Variants in ESRRG observed in about 807,000 individuals in gnomAD.
ESRRG encodes the protein estrogen-related receptor gamma.
A neutral mutation model predicts 44.0 loss-of-function variants in ESRRG; 13 were observed. The ratio of observed to expected loss-of-function variants is 0.30; its 90% CI spans 0.19 to 0.47. ESRRG has a LOEUF of 0.47. Among genes scored for constraint, ESRRG ranks in the 20% least tolerant of loss-of-function variants. ESRRG has a pLI of 1.00. For missense variants in ESRRG, 395 were observed against 580.6 expected (o/e 0.68, Z 3.29); for synonymous variants, 215 against 214.6 (o/e 1.00, Z -0.02).
intron 5 of ESRRG, among the ~76,000 whole-genome samples, chr1:216,535,825 G>T (rs1432362374): frequency 1.3e-5 from 2 of 151,948 alleles, no homozygotes; most frequent in African/African-American, 4.8e-5. Flanking sequence ...CTGTTTATCT[G>T]TCTTTTTCCC....
chr1:217,047,853 G>A (rs1448396959), intron 1 of ESRRG, among the ~76,000 whole-genome samples: 2 of 152,188 alleles, frequency 1.3e-5, no homozygotes, highest in African/African-American at 2.4e-5. Flanking sequence ...ATACCAGATT[G>A]TGTGTTTGAC....
At chr1:216,690,260 T>G (rs540455104) in intron 1 of ESRRG, among the ~76,000 whole-genome samples, 157 of 151,914 alleles carry the variant, frequency 1.0e-3, no homozygotes, top group South Asian at 2.5e-3. Flanking sequence ...TACCTGTGTG[T>G]GGTGTGTGTG....
intron 1 of ESRRG, among the ~76,000 whole-genome samples, chr1:216,969,237 A>G (rs1046270858): frequency 6.6e-6 from 1 of 152,206 alleles, no homozygotes; most frequent in African/African-American, 2.4e-5. Context: ...CCTTCCAGTG[A>G]GGAGAATAAA....
intron 5 of ESRRG, among the ~76,000 whole-genome samples, chr1:216,555,869 G>A (rs79010817): frequency 0.013 from 2,034 of 152,148 alleles, 22 homozygotes; most frequent in Non-Finnish European, 0.023. Context: ...GGATAGACAC[G>A]CATTCATTTG....
In ESRRG at chr1:216,519,142, G is replaced by A. The variant is rs1402140264; in HGVS notation, c.1132+10C>T. On this transcript the variant is annotated intron_variant, in intron 6 of 6. Transcript: ENST00000408911. ...AAAAAATGTAACAATGACTATGTCA[G>A]TATGCCAACCTGAATTAGCAAGAGC... 2.5e-6 allele frequency: 4 copies of A among 1,611,104 alleles called. No individual in the cohort carries two copies. Among genetic ancestry groups the A allele is most frequent in the African/African-American group, 2.7e-5 (2 of 74,860 alleles).
intron 3 of ESRRG, among the ~76,000 whole-genome samples, chr1:216,587,405 C>T (rs1177234114): frequency 6.6e-6 from 1 of 152,014 alleles, no homozygotes; most frequent in Non-Finnish European, 1.5e-5. Flanking sequence ...GATCTGAAAC[C>T]GGGTTTCATG....
chr1:216,723,659 G>A (rs2086882280), upstream of ESRRG, among the ~76,000 whole-genome samples: 1 of 152,110 alleles, frequency 6.6e-6, no homozygotes, highest in Admixed American at 6.5e-5. Context: ...GAAAAAGGGA[G>A]CGGAGAAGGG....
chr1:216,562,760 G>A (rs2059011830), intron 5 of ESRRG, among the ~76,000 whole-genome samples: 1 of 151,944 alleles, frequency 6.6e-6, no homozygotes, highest in Non-Finnish European at 1.5e-5. Flanking sequence ...TAATATAAAT[G>A]ATATATATCA....
At chr1:217,089,195 C>T (rs888793794) in intron 1 of ESRRG, among the ~76,000 whole-genome samples, 1 of 152,014 alleles carries the variant, frequency 6.6e-6, no homozygotes, top group Non-Finnish European at 1.5e-5. Flanking sequence ...GCACTGAAGT[C>T]TCTATCCAGG....
chr1:216,951,717 A>ATGTGTGTGTGTG lies in ESRRG; in HGVS notation c.-105-12056_-105-12045dup, dbSNP rs59233267. Among the ~76,000 whole-genome samples the ATGTGTGTGTGTG allele has an allele frequency of 5.6e-5, 8 of 143,720 alleles. No homozygotes were observed. The East Asian group carries it at 6.2e-4, about 11-fold the overall frequency. 94.3% of individuals were successfully genotyped at this position (143,720 alleles called of 152,430 possible). A position where few individuals can be genotyped will look rare whatever the true frequency, so the allele number is the denominator to read the frequency against. On this transcript the variant is annotated intron_variant, in intron 1 of 7. Transcript: ENST00000359162. ...TAATGGGTATAATGGAACTATCACT[A>ATGTGTGTGTGTG]TGTGTGTGTGTGTGTGTGTGTGTGT... is the stretch of plus-strand genomic sequence containing the variant.
At chr1:216,967,054 T>C (rs953032125) in intron 1 of ESRRG, among the ~76,000 whole-genome samples, 3 of 152,114 alleles carry the variant, frequency 2.0e-5, no homozygotes, top group Non-Finnish European at 4.4e-5. Flanking sequence ...TCTTCTACTC[T>C]TTTTAAGAAA....
chr1:216,519,446 A>G (rs778822855), intron 5 of ESRRG, 25 bp from the exon 6 acceptor site: 64 of 1,584,114 alleles, frequency 4.0e-5, no homozygotes, highest in Non-Finnish European at 5.2e-5. Flanking sequence ...GGGCAGATCA[A>G]GTTACTTTAA....
intron 2 of ESRRG, among the ~76,000 whole-genome samples, chr1:216,832,263 T>A (rs915117827): frequency 1.3e-5 from 2 of 152,192 alleles, no homozygotes; most frequent in Non-Finnish European, 2.9e-5. Context: ...AAGTAAAACA[T>A]TAGATGGACA....
intron 2 of ESRRG, among the ~76,000 whole-genome samples, chr1:216,761,370 G>A (rs2092763756): frequency 6.6e-6 from 1 of 151,964 alleles, no homozygotes; most frequent in Non-Finnish European, 1.5e-5. Context: ...TTTGAAAAGT[G>A]GCAAATTTCA....
At chr1:216,981,409 G>T (rs1242456281) in intron 1 of ESRRG, among the ~76,000 whole-genome samples, 1 of 152,024 alleles carries the variant, frequency 6.6e-6, no homozygotes, top group East Asian at 1.9e-4. Context: ...CCTTGGATAG[G>T]CTACTTACGG....
At chr1:216,985,957 A>C (rs1486791872) in intron 1 of ESRRG, 3 of 152,236 alleles carry the variant, frequency 2.0e-5, no homozygotes, top group African/African-American at 7.2e-5. Context: ...CAACTTCTAA[A>C]ACCATGATAT....
At chr1:216,988,900 C>G (rs540001329) in intron 1 of ESRRG, among the ~76,000 whole-genome samples, 1 of 152,218 alleles carries the variant, frequency 6.6e-6, no homozygotes, top group Non-Finnish European at 1.5e-5. Context: ...AATGAAAGGG[C>G]CTCATGTTTT....
chr1:216,975,965 G>A (rs1475847441), intron 1 of ESRRG, among the ~76,000 whole-genome samples: 1 of 152,058 alleles, frequency 6.6e-6, no homozygotes, highest in Non-Finnish European at 1.5e-5. Context: ...TTTCAAAAAG[G>A]GCTGCTTTCC....
intron 1 of ESRRG, among the ~76,000 whole-genome samples, chr1:217,128,628 G>T (rs1404632867): frequency 6.6e-6 from 1 of 152,190 alleles, no homozygotes; most frequent in Non-Finnish European, 1.5e-5. Context: ...TGAGATAAAA[G>T]ATCTCATTCA....
Sources: allele counts gnomAD v4.1 joint callset (sites outside exome capture counted in the v4.1 genomes callset), GRCh38; gene constraint gnomAD v4.1.1; transcripts MANE v1.5; gene names NCBI Gene and HGNC (gene_info 2026-07-23, HGNC 2026-07-21).